LIMA1: variants seen among roughly 807,000 people sequenced by gnomAD.
The protein encoded by LIMA1 is LIM domain and actin binding 1.
Under a neutral mutation model 62.6 loss-of-function variants are expected in LIMA1, and 52 were observed. The ratio of observed to expected loss-of-function variants is 0.83; its 90% CI spans 0.67 to 1.05. The LOEUF (loss-of-function observed/expected upper bound fraction) is 1.05, where lower values mean the gene tolerates loss of function less well. Ranked by LOEUF, LIMA1 falls within the 50% of genes least tolerant of loss-of-function variation. The pLI, the probability that LIMA1 is intolerant of heterozygous loss-of-function variation, is 0.00. For missense variants in LIMA1, 780 were observed against 902.2 expected, an observed-to-expected ratio of 0.86 and a Z score of 1.74; for synonymous variants, 302 against 317.8, an observed-to-expected ratio of 0.95 and a Z score of 0.53.
At chr12:50,236,183 C>T (rs1201276585) in intron 2 of LIMA1, among the ~76,000 whole-genome samples, 1 of 151,898 alleles carries the variant, frequency 6.6e-6, no homozygotes, top group Non-Finnish European at 1.5e-5. Flanking sequence ...CAAAAACATA[C>T]AGTTCACAAA....
chr12:50,247,011 CTA>C (rs1343685898), intron 2 of LIMA1, among the ~76,000 whole-genome samples: 2 of 152,090 alleles, frequency 1.3e-5, no homozygotes, highest in Non-Finnish European at 2.9e-5. Flanking sequence ...TGGTGTGTGC[CTA>C]TAGTCCCAGC....
At chr12:50,179,586 C>A (rs983467447) in intron 10 of LIMA1, among the ~76,000 whole-genome samples, 2 of 149,584 alleles carry the variant, frequency 1.3e-5, no homozygotes, top group Non-Finnish European at 3.0e-5. Context: ...TACAGGCACT[C>A]GCCACCACAC....
intron 2 of LIMA1, among the ~76,000 whole-genome samples, chr12:50,240,047 AT>A (rs1565854657): frequency 1.3e-5 from 2 of 150,284 alleles, no homozygotes; most frequent in Non-Finnish European, 3.0e-5. Flanking sequence ...ATAACATAAC[AT>A]AACATAACAT....
intron 6 of LIMA1, chr12:50,201,919 A>G (rs1158990111): frequency 6.6e-6 from 1 of 152,090 alleles, no homozygotes; most frequent in Non-Finnish European, 1.5e-5. Context: ...AATAAAATAA[A>G]ATAAAATAAA....
At chr12:50,263,768 C>A (rs1341410988) in intron 1 of LIMA1, among the ~76,000 whole-genome samples, 2 of 144,036 alleles carry the variant, frequency 1.4e-5, no homozygotes, top group East Asian at 2.1e-4. Context: ...ACCATGGGAT[C>A]CAGCAATTCC....
At chr12:50,220,280 G>A (rs1263255184) in intron 4 of LIMA1, among the ~76,000 whole-genome samples, 5 of 151,724 alleles carry the variant, frequency 3.3e-5, no homozygotes, top group African/African-American at 7.3e-5. Context: ...GGCTGGTCTC[G>A]AACTCCTGGC....
Position 50,206,000 on chromosome 12 carries a change from G to A in LIMA1, c.699C>T (p.Asp233=), listed in dbSNP as rs769534273. The A allele has an allele frequency of 6.2e-7, 1 of 1,611,772 alleles. No homozygotes were observed. The highest frequency in any genetic ancestry group is 8.5e-7 in the Non-Finnish European group (1 of 1,178,478). ...KISENSYSLD[D]LEIGPGQLSS... ...TCTGCTTACCTGGGCCTATTTCCAG[G>A]TCATCTAGAGAATAGCTGTTTTCAG... Residue 233 remains aspartate, a synonymous_variant, in exon 5 of 11, where the codon GAC becomes GAT. Transcript: ENST00000341247.
intron 1 of LIMA1, among the ~76,000 whole-genome samples, chr12:50,264,059 G>T (rs1233302499): frequency 6.6e-6 from 1 of 151,876 alleles, no homozygotes; most frequent in East Asian, 1.9e-4. Context: ...GCTGACACAT[G>T]CTACAACATG....
At chr12:50,246,641 C>T (rs1941853363) in intron 2 of LIMA1, among the ~76,000 whole-genome samples, 1 of 152,170 alleles carries the variant, frequency 6.6e-6, no homozygotes, top group Non-Finnish European at 1.5e-5. Context: ...GGTTTTCTTA[C>T]TAAATCCTAA....
intron 4 of LIMA1, among the ~76,000 whole-genome samples, chr12:50,221,798 T>C (rs1592532139): frequency 1.3e-5 from 2 of 152,194 alleles, no homozygotes; most frequent in East Asian, 1.9e-4. Flanking sequence ...AGATACCAAT[T>C]TGAATCCCAG....
At chr12:50,237,457 T>C (rs1941712587) in intron 2 of LIMA1, among the ~76,000 whole-genome samples, 1 of 152,036 alleles carries the variant, frequency 6.6e-6, no homozygotes, top group South Asian at 2.1e-4. Context: ...GCCAACATGG[T>C]GAAACCCCAT....
chr12:50,185,375 G>A, intron 9 of LIMA1: 1 of 456,214 alleles, frequency 2.2e-6, no homozygotes, highest in Non-Finnish European at 4.4e-6. Context: ...TGAGAAAGCT[G>A]AAAGTTGAGC....
At chr12:50,220,251 G>A (rs1251833512) in intron 4 of LIMA1, among the ~76,000 whole-genome samples, 1 of 151,734 alleles carries the variant, frequency 6.6e-6, no homozygotes, top group Non-Finnish European at 1.5e-5. Flanking sequence ...GTGGAGACGG[G>A]GTTTCACCAT....
chr12:50,245,216 A>T (rs1246511067), intron 2 of LIMA1, among the ~76,000 whole-genome samples: 1 of 151,628 alleles, frequency 6.6e-6, no homozygotes, highest in Admixed American at 6.6e-5. Context: ...GGAGTTCAAG[A>T]CCAGCCTGGG....
At position 50,222,386 on chromosome 12, in the gene LIMA1, A is replaced by T; in HGVS notation, c.265T>A (p.Ser89Thr). The T allele has an allele frequency of 6.2e-7, 1 of 1,614,120 alleles. No individual in the cohort carries two copies. The highest frequency in any genetic ancestry group is 1.3e-5 in the African/African-American group (1 of 75,022). The change falls in exon 4 of 11, where the codon TCT becomes ACT. Residue 89 changes from serine (S) to threonine (T), a missense_variant. Transcript: ENST00000341247. ...PGLGAESHTD[S>T]LRNSSTEIRH... ...ATCTCAGTGCTGCTGTTCCGTAGAG[A>T]GTCTGTGTGAGACTCTGCTCCCAGC...
chr12:50,259,859 T>C (rs1942043003), intron 1 of LIMA1, among the ~76,000 whole-genome samples: 1 of 152,202 alleles, frequency 6.6e-6, no homozygotes, highest in African/African-American at 2.4e-5. Context: ...ATTTGATCTC[T>C]TTATCGCCTT....
chr12:50,182,804 T>G (rs1940533918), intron 9 of LIMA1, among the ~76,000 whole-genome samples: 1 of 152,208 alleles, frequency 6.6e-6, no homozygotes, highest in African/African-American at 2.4e-5. Context: ...ATGGGCACAG[T>G]GGTTCTACCT....
Position 50,241,933 on chromosome 12 carries a change from A to ATTTTTTTTTTTTTTTT in LIMA1, c.119+6684_119+6699dup, listed in dbSNP as rs577308413. 2.5e-4 allele frequency among the ~76,000 whole-genome samples: 9 copies of ATTTTTTTTTTTTTTTT among 36,406 alleles called. 2 individuals are homozygous for ATTTTTTTTTTTTTTTT. The highest frequency in any genetic ancestry group is 5.2e-4 in the Admixed American group (1 of 1,934). The allele number at this position is 36,406 out of a possible 152,430, so 23.9% of individuals were successfully genotyped here. On this transcript the variant is annotated intron_variant, in intron 2 of 10. Transcript: ENST00000341247. ...AATTTTGTTCCTCTTTCCTTCCCAG[A>ATTTTTTTTTTTTTTTT]TTTTTTTTTTTTTTTTTTTTTTTTT...
chr12:50,242,198 A>G (rs2138621372), intron 2 of LIMA1, among the ~76,000 whole-genome samples: 1 of 151,980 alleles, frequency 6.6e-6, no homozygotes, highest in East Asian at 1.9e-4. Flanking sequence ...GGGAAAACAG[A>G]AACTCCCAAG....
Sources: allele counts gnomAD v4.1 joint callset (sites outside exome capture counted in the v4.1 genomes callset), GRCh38; gene constraint gnomAD v4.1.1; transcripts MANE v1.5; gene names NCBI Gene and HGNC (gene_info 2026-07-23, HGNC 2026-07-21).